RAC1: variants seen among roughly 807,000 people sequenced by gnomAD.
The protein encoded by RAC1 is ras-related C3 botulinum toxin substrate 1.
Under a neutral mutation model 25.2 loss-of-function variants are expected in RAC1, and 2 were observed. The ratio of observed to expected loss-of-function variants is 0.08; its 90% CI spans 0.03 to 0.25. The LOEUF is 0.25. RAC1 is among the 10% of genes least tolerant of loss of function. The probability of loss-of-function intolerance (pLI) is 1.00; values close to 1 mark genes in which losing one functional copy is unlikely to be tolerated. For missense variants in RAC1, 50 were observed against 235.7 expected (o/e 0.21, Z 5.16); for synonymous variants, 88 against 94.0 (o/e 0.94, Z 0.37).
chr7:6,390,427 C>G (rs1717978469), intron 2 of RAC1, among the ~76,000 whole-genome samples: 1 of 151,638 alleles, frequency 6.6e-6, no homozygotes, highest in South Asian at 2.1e-4. Context: ...TGGTGAAACC[C>G]CATCTCTACT....
intron 3 of RAC1, among the ~76,000 whole-genome samples, chr7:6,394,247 C>T (rs554492067): frequency 6.6e-6 from 1 of 152,198 alleles, no homozygotes; most frequent in Admixed American, 6.5e-5. Context: ...TCAGACCATT[C>T]ATTTCTTCTT....
At chr7:6,395,098 C>A (rs1284655179) in intron 3 of RAC1, among the ~76,000 whole-genome samples, 2 of 152,112 alleles carry the variant, frequency 1.3e-5, no homozygotes, top group Non-Finnish European at 2.9e-5. Flanking sequence ...TTGTGATCCG[C>A]CCGCCTTGGC....
chr7:6,402,536 A>AAAAAAAACAAAAAAAAAC lies in RAC1; in HGVS notation c.*91_*92insAAAAAACAAAAAAAAACA. On this transcript the variant is annotated 3_prime_UTR_variant, in exon 6 of 6. Transcript: ENST00000348035. ...ACAAAAAAAAAAAACAAAAAAAAAA[A>AAAAAAAACAAAAAAAAAC]ACAACGGTGGAGCCTTCGCACTCAA... is the stretch of plus-strand genomic sequence containing the variant. 1.1e-6 allele frequency: 1 copy of AAAAAAAACAAAAAAAAAC among 947,916 alleles called. No homozygotes were observed. Among genetic ancestry groups the AAAAAAAACAAAAAAAAAC allele is most frequent in the Non-Finnish European group, 1.3e-6 (1 of 748,832 alleles). 58.7% of individuals were successfully genotyped at this position (947,916 alleles called of 1,614,324 possible).
intron 2 of RAC1, chr7:6,391,484 A>G (rs762645199): frequency 5.3e-5 from 10 of 187,844 alleles, no homozygotes; most frequent in Non-Finnish European, 7.8e-5. Flanking sequence ...ACTGCTCTAC[A>G]CTCAGGCCTT....
rs375665540 is a variant in RAC1 at position 6,391,920 on chromosome 7, A to C, written c.108-4A>C. 3.7e-6 allele frequency: 6 copies of C among 1,614,032 alleles called. No homozygotes were observed. The highest frequency in any genetic ancestry group is 5.1e-6 in the Non-Finnish European group (6 of 1,179,962). On this transcript the variant is annotated splice_region_variant and splice_polypyrimidine_tract_variant and intron_variant, in intron 2 of 5. Coordinates refer to ENST00000348035, the MANE Select transcript of RAC1 (RefSeq NM_006908.5). The stretch of plus-strand genomic sequence containing the variant: ...TGACTAACCATTTTCATTCCATTCT[A>C]CAGCTTTGACAATTATTCTGCCAAT...
intron 3 of RAC1, among the ~76,000 whole-genome samples, chr7:6,396,268 AC>A (rs1783231810): frequency 6.6e-6 from 1 of 152,164 alleles, no homozygotes; most frequent in African/African-American, 2.4e-5. Flanking sequence ...CTTGAGTGTT[AC>A]GAGGACGGGG....
intron 2 of RAC1, 119 bp from the exon 3 acceptor site, chr7:6,391,805 T>C: frequency 6.7e-7 from 1 of 1,489,440 alleles, no homozygotes; most frequent in Non-Finnish European, 9.0e-7. Flanking sequence ...GGACATTTGC[T>C]GGTGTGGCAG....
Position 6,400,089 on chromosome 7 carries a change from T to C in RAC1, c.226-37T>C, listed in dbSNP as rs773917743. The C allele has an allele frequency of 2.6e-6, 4 of 1,553,886 alleles. No homozygotes were observed. In the South Asian group the frequency reaches 4.5e-5, roughly 17 times the overall value. ...CAAAGTGCATGCTTCATTCTAAGGT[T>C]GTTGTCTAAATGTTTCCCTGTGTTT... On this transcript the variant is annotated intron_variant, in intron 3 of 5. Transcript: ENST00000348035.
rs998278911 is a variant in RAC1, at chr7:6,392,132, A to G, written c.225+91A>G. On this transcript the variant is annotated intron_variant, in intron 3 of 5. Transcript: ENST00000348035. The stretch of plus-strand genomic sequence containing the variant: ...GCATGTTACCTATGGACTTGCTTAT[A>G]TTGCCATCATTTGGGTATTGAGTAA... 5 of 1,582,108 alleles carry G rather than the reference A, an allele frequency of 3.2e-6. No individual in the cohort carries two copies. In the African/African-American group the frequency reaches 5.4e-5, roughly 17 times the overall value.
intron 1 of RAC1, among the ~76,000 whole-genome samples, chr7:6,386,999 CT>C (rs1554263304): frequency 1.3e-5 from 2 of 151,610 alleles, no homozygotes; most frequent in Non-Finnish European, 2.9e-5. Flanking sequence ...GCTCCTGACT[CT>C]ATCTTTCTGA....
At chr7:6,396,611 G>T (rs77991145) in intron 3 of RAC1, among the ~76,000 whole-genome samples, 165 of 152,288 alleles carry the variant, frequency 1.1e-3, no homozygotes, top group Non-Finnish European at 2.0e-3. Context: ...GGTTCTCGAT[G>T]ATCCTCTCCC....
intron 3 of RAC1, among the ~76,000 whole-genome samples, chr7:6,394,835 C>T (rs1783185208): frequency 6.6e-6 from 1 of 151,726 alleles, no homozygotes; most frequent in Non-Finnish European, 1.5e-5. Flanking sequence ...CATGTGCTAC[C>T]ATGCCTGGCT....
intron 1 of RAC1, among the ~76,000 whole-genome samples, chr7:6,375,419 TCTCA>T (rs1782555795): frequency 6.6e-6 from 1 of 150,444 alleles, no homozygotes; most frequent in Admixed American, 6.7e-5. Flanking sequence ...AGAAATGGGG[TCTCA>T]CTGTGTTGTC....
rs770760616 is a variant in RAC1 at position 6,392,035 on chromosome 7, G to A, written c.219G>A (p.Pro73=). Residue 73 remains proline (P), a synonymous_variant, in exon 3 of 6, where the codon CCG becomes CCA. Transcript: ENST00000348035. ...ACAGATTACGCCCCCTATCCTATCC[G>A]CAAACAGTAAGGATTGCAGCTGACT... ...DYDRLRPLSY[P]QTDVFLICFS... 45 of 1,614,074 alleles carry A rather than the reference G, an allele frequency of 2.8e-5. No individual in the cohort carries two copies. Among genetic ancestry groups the A allele is most frequent in the Non-Finnish European group, 3.6e-5 (42 of 1,179,994 alleles).
At chr7:6,396,841 T>C (rs1247754535) in intron 3 of RAC1, among the ~76,000 whole-genome samples, 2 of 152,072 alleles carry the variant, frequency 1.3e-5, no homozygotes, top group East Asian at 3.9e-4. Context: ...CCATCCTGGC[T>C]AACACGTTGA....
At position 6,403,831 on chromosome 7, in the gene RAC1, G is replaced by T. The variant is rs992486547; in HGVS notation, c.*1385G>T. ...CTTAACTCACTGGCGAGAATACAGC[G>T]TGGGACCCTTCAGCCACTACAACAG... is the stretch of plus-strand genomic sequence containing the variant. On this transcript the variant is annotated 3_prime_UTR_variant, in exon 6 of 6. Coordinates refer to ENST00000348035, the MANE Select transcript of RAC1 (RefSeq NM_006908.5). 1 of 221,044 alleles carries T rather than the reference G, an allele frequency of 4.5e-6. No individual in the cohort carries two copies. The highest frequency in any genetic ancestry group is 9.1e-6 in the Non-Finnish European group (1 of 110,126). 13.7% of individuals were successfully genotyped at this position (221,044 alleles called of 1,614,324 possible). A position where few individuals can be genotyped will look rare whatever the true frequency, so the allele number is the denominator to read the frequency against.
intron 5 of RAC1, 93 bp from the exon 6 acceptor site, chr7:6,402,223 G>A: frequency 1.3e-6 from 2 of 1,511,562 alleles, no homozygotes; most frequent in Non-Finnish European, 1.8e-6. Flanking sequence ...CCGGCAGAAG[G>A]CGCCCGGGCC....
intron 2 of RAC1, among the ~76,000 whole-genome samples, chr7:6,387,702 G>A (rs1327513319): frequency 6.6e-6 from 1 of 151,606 alleles, no homozygotes; most frequent in Non-Finnish European, 1.5e-5. Flanking sequence ...TCCAGCCTGG[G>A]CAATGAGAGC....
intron 2 of RAC1, among the ~76,000 whole-genome samples, 187 bp downstream of exon 2, chr7:6,387,470 C>G (rs1284982209): frequency 6.6e-6 from 1 of 152,200 alleles, no homozygotes; most frequent in Non-Finnish European, 1.5e-5. Flanking sequence ...GGGTGGTGAT[C>G]TCAGCACTTT....
Sources: gnomAD v4.1 joint callset for allele counts (sites outside exome capture counted in the v4.1 genomes callset) on GRCh38, gnomAD v4.1.1 for gene constraint, MANE v1.5 for transcripts, NCBI Gene and HGNC (gene_info 2026-07-23, HGNC 2026-07-21) for gene names.